Variants in IL1RAP observed in about 807,000 individuals in gnomAD.
IL1RAP encodes interleukin 1 receptor accessory protein.
In IL1RAP, 35 loss-of-function variants were observed where a neutral mutation model predicts 60.7. The observed-to-expected ratio is 0.58, with a 90% confidence interval of 0.44 to 0.76. IL1RAP has a LOEUF of 0.76. IL1RAP is among the 30% of genes least tolerant of loss of function. The pLI is 0.00. For synonymous variants in IL1RAP, 268 were observed against 250.9 expected, an observed-to-expected ratio of 1.07 and a Z score of -0.64; for missense variants, 572 against 693.9, an observed-to-expected ratio of 0.82 and a Z score of 1.97.
intron 1 of IL1RAP, among the ~76,000 whole-genome samples, chr3:190,530,201 G>A (rs755899736): frequency 6.6e-6 from 1 of 152,124 alleles, no homozygotes; most frequent in Non-Finnish European, 1.5e-5. Context: ...GATAATATGT[G>A]AATACATCAT....
chr3:190,636,836 C>G (rs370300851), intron 9 of IL1RAP, among the ~76,000 whole-genome samples: 1 of 152,082 alleles, frequency 6.6e-6, no homozygotes, highest in Non-Finnish European at 1.5e-5. Context: ...AGTTTACCAT[C>G]TTGCTATTTG....
At chr3:190,594,077 A>G (rs1376190498) in intron 3 of IL1RAP, among the ~76,000 whole-genome samples, 3 of 152,356 alleles carry the variant, frequency 2.0e-5, no homozygotes, top group South Asian at 2.1e-4. Flanking sequence ...ATGATCAGCC[A>G]TAAGTAGACA....
Position 190,603,585 on chromosome 3 carries a change from A to G in IL1RAP, c.65-543A>G, listed in dbSNP as rs151082509. On this transcript the variant is annotated intron_variant, in intron 3 of 11. Transcript: ENST00000447382. ...GCTCATTTTTTTATATTTTGGATATATTGGGTTTAACAAAATATTAAAATT... is the reference window on the plus strand; with the variant it reads ...GCTCATTTTTTTATATTTTGGATATGTTGGGTTTAACAAAATATTAAAATT... 3.4e-3 allele frequency among the ~76,000 whole-genome samples: 520 copies of G among 152,340 alleles called. 5 individuals carry two copies. Among genetic ancestry groups the G allele is most frequent in the African/African-American group, 0.01 (424 of 41,582 alleles).
chr3:190,579,140 T>C (rs1727764361), intron 3 of IL1RAP, among the ~76,000 whole-genome samples: 2 of 152,228 alleles, frequency 1.3e-5, no homozygotes, highest in Non-Finnish European at 2.9e-5. Flanking sequence ...AGCTCAGTAC[T>C]ACAGAACATA....
At chr3:190,560,907 A>T in intron 2 of IL1RAP, among the ~76,000 whole-genome samples, 1 of 152,340 alleles carries the variant, frequency 6.6e-6, no homozygotes, top group Non-Finnish European at 1.5e-5. Context: ...ATAGTCATTA[A>T]AGTTGATATA....
intron 3 of IL1RAP, among the ~76,000 whole-genome samples, chr3:190,599,993 T>A (rs1353678508): frequency 6.6e-6 from 1 of 152,166 alleles, no homozygotes; most frequent in Non-Finnish European, 1.5e-5. Flanking sequence ...CATGTTTACT[T>A]TTCCTTGAAT....
chr3:190,564,684 G>A, intron 3 of IL1RAP: 1 of 258,770 alleles, frequency 3.9e-6, no homozygotes, highest in Non-Finnish European at 7.6e-6. Flanking sequence ...AGTGATAATA[G>A]CACAATCTGT....
chr3:190,638,283 G>A (rs1472354268), intron 9 of IL1RAP, among the ~76,000 whole-genome samples: 3 of 151,942 alleles, frequency 2.0e-5, no homozygotes, highest in Non-Finnish European at 4.4e-5. Context: ...GGTGTTGTCA[G>A]CCTTCTTTGT....
intron 4 of IL1RAP, among the ~76,000 whole-genome samples, chr3:190,607,327 G>A (rs1189071232): frequency 6.6e-6 from 1 of 151,980 alleles, no homozygotes; most frequent in Non-Finnish European, 1.5e-5. Context: ...TCTTTTTCAT[G>A]TTTTCCTATA....
chr3:190,547,929 T>A (rs35455511), intron 1 of IL1RAP, among the ~76,000 whole-genome samples: 37,279 of 152,030 alleles, frequency 0.25, 5,050 homozygotes, highest in Non-Finnish European at 0.31. Context: ...CAGGGTCTGA[T>A]GGAGTAAGGG....
chr3:190,532,106 G>A (rs2108538276), intron 1 of IL1RAP, among the ~76,000 whole-genome samples: 1 of 152,102 alleles, frequency 6.6e-6, no homozygotes. Flanking sequence ...CTCTTGTCTT[G>A]GTTCTCACAC....
rs1048558531 is a variant in IL1RAP, at chr3:190,651,162, C to A, written c.*2457C>A. On this transcript the variant is annotated 3_prime_UTR_variant, in exon 12 of 12. Coordinates refer to ENST00000447382, the MANE Select transcript of IL1RAP (RefSeq NM_002182.4). Reference sequence around the variant, plus strand: ...TAGAGAACAAGAACAAACCATGTCTCAAATTTTTTTAAAAAAAATTAATGG... The same window carrying A: ...TAGAGAACAAGAACAAACCATGTCTAAAATTTTTTTAAAAAAAATTAATGG... 4.1e-5 allele frequency: 40 copies of A among 980,436 alleles called. No homozygotes were observed. Among genetic ancestry groups the A allele is most frequent in the Non-Finnish European group, 4.7e-5 (39 of 827,742 alleles). The allele number at this position is 980,436 out of a possible 1,614,324, so 60.7% of individuals were successfully genotyped here.
intron 5 of IL1RAP, among the ~76,000 whole-genome samples, chr3:190,610,640 G>A (rs529086010): frequency 6.6e-5 from 10 of 152,138 alleles, no homozygotes; most frequent in African/African-American, 2.2e-4. Context: ...CTTTATCAGC[G>A]AAACATAAAA....
At chr3:190,566,785 G>A (rs922543531) in intron 3 of IL1RAP, among the ~76,000 whole-genome samples, 2 of 152,168 alleles carry the variant, frequency 1.3e-5, no homozygotes, top group Non-Finnish European at 2.9e-5. Flanking sequence ...AACTGGCTCT[G>A]GGCTAGTGGG....
At chr3:190,591,048 C>T (rs1481936674) in intron 3 of IL1RAP, among the ~76,000 whole-genome samples, 2 of 152,088 alleles carry the variant, frequency 1.3e-5, no homozygotes, top group African/African-American at 4.8e-5. Flanking sequence ...TCTCCCTTGT[C>T]GTCCAACACT....
chr3:190,635,313 A>G lies in IL1RAP; in HGVS notation c.1051+5815A>G, dbSNP rs142796871. 2.9e-3 allele frequency among the ~76,000 whole-genome samples: 445 copies of G among 152,060 alleles called. 4 individuals carry two copies. Among genetic ancestry groups the G allele is most frequent in the African/African-American group, 9.9e-3 (412 of 41,516 alleles). The stretch of plus-strand genomic sequence containing the variant: ...TCAATTTTGCTAATTTTTTCAATGA[A>G]CATATTTTTATTGATTTTTCTCTGT... On this transcript the variant is annotated intron_variant, in intron 9 of 11. Coordinates refer to ENST00000447382, the MANE Select transcript of IL1RAP (RefSeq NM_002182.4).
chr3:190,576,664 C>T (rs1727479068), intron 3 of IL1RAP, among the ~76,000 whole-genome samples: 1 of 152,152 alleles, frequency 6.6e-6, no homozygotes, highest in Non-Finnish European at 1.5e-5. Flanking sequence ...GAGAGCTCAC[C>T]TGGAATAGGC....
chr3:190,560,005 G>C (rs905393886), intron 2 of IL1RAP, among the ~76,000 whole-genome samples: 6 of 152,194 alleles, frequency 3.9e-5, no homozygotes, highest in Middle Eastern at 6.8e-3. Flanking sequence ...TTCTGCACAA[G>C]GATCCTATTT....
intron 1 of IL1RAP, among the ~76,000 whole-genome samples, chr3:190,553,743 G>A (rs1362635674): frequency 1.3e-5 from 2 of 152,190 alleles, no homozygotes; most frequent in Non-Finnish European, 2.9e-5. Flanking sequence ...AGCCTCAGAA[G>A]TCTGAGGTTG....
Sources: gnomAD v4.1 joint callset for allele counts (sites outside exome capture counted in the v4.1 genomes callset) on GRCh38, gnomAD v4.1.1 for gene constraint, MANE v1.5 for transcripts, NCBI Gene and HGNC (gene_info 2026-07-23, HGNC 2026-07-21) for gene names.